The following KCNQ5 variants were observed in gnomAD, a reference collection of about 807,000 sequenced individuals.
KCNQ5 encodes potassium voltage-gated channel subfamily KQT member 5.
A neutral mutation model predicts 98.2 loss-of-function variants in KCNQ5; 30 were observed. The observed-to-expected ratio is 0.31, with a 90% CI of 0.23 to 0.41. The LOEUF is 0.41. KCNQ5 is among the 10% of genes least tolerant of loss of function. The probability of loss-of-function intolerance (pLI) is 1.00; values close to 1 mark genes in which losing one functional copy is unlikely to be tolerated. For synonymous variants in KCNQ5, 458 were observed against 449.4 expected, an observed-to-expected ratio of 1.02 and a Z score of -0.24; for missense variants, 835 against 1,182.5, an observed-to-expected ratio of 0.71 and a Z score of 4.31.
At chr6:73,055,651 C>T in intron 3 of KCNQ5, 1 of 1,148,582 alleles carries the variant, frequency 8.7e-7, no homozygotes, top group Non-Finnish European at 1.3e-6. Context: ...CCCATGGCAA[C>T]AGCCTCTGGG....
chr6:73,112,952 T>C (rs146585447), intron 7 of KCNQ5, among the ~76,000 whole-genome samples: 1,673 of 96,370 alleles, frequency 0.017, 17 homozygotes, highest in Middle Eastern at 0.043. Flanking sequence ...TTTTTTACAT[T>C]ATTTTTTACA....
chr6:72,732,850 C>T (rs960044633), intron 1 of KCNQ5, among the ~76,000 whole-genome samples: 6 of 151,806 alleles, frequency 4.0e-5, no homozygotes, highest in African/African-American at 7.3e-5. Flanking sequence ...GTCCTTAAGG[C>T]GGGAGAAGGG....
intron 10 of KCNQ5, among the ~76,000 whole-genome samples, chr6:73,163,355 C>T (rs1044329327): frequency 6.6e-6 from 1 of 152,168 alleles, no homozygotes; most frequent in Non-Finnish European, 1.5e-5. Context: ...ATGATCACAC[C>T]ACTGCACTCT....
At chr6:73,055,324 G>T (rs929173029) in intron 3 of KCNQ5, 108 of 1,415,268 alleles carry the variant, frequency 7.6e-5, no homozygotes, top group Non-Finnish European at 9.4e-5. Context: ...AGATGTAGCT[G>T]CCAATAGTGA....
chr6:72,852,640 A>AAAATATATATATATATATAT (rs1777311943), intron 1 of KCNQ5, among the ~76,000 whole-genome samples: 1 of 56,802 alleles, frequency 1.8e-5, no homozygotes, highest in Non-Finnish European at 3.3e-5. Flanking sequence ...ATGAAGGGGA[A>AAAATATATATATATATATAT]ATATATATAT....
intron 7 of KCNQ5, among the ~76,000 whole-genome samples, chr6:73,119,240 A>G (rs1373840939): frequency 6.6e-6 from 1 of 152,200 alleles, no homozygotes; most frequent in African/African-American, 2.4e-5. Flanking sequence ...AGCTTTTCCA[A>G]TAACAGTCTT....
chr6:73,194,365 C>A, intron 13 of KCNQ5, 87 bp from the exon 14 acceptor site: 2 of 1,215,494 alleles, frequency 1.6e-6, no homozygotes, highest in Non-Finnish European at 2.3e-6. Context: ...TGTTGGCACA[C>A]CTTGACTTCA....
intron 1 of KCNQ5, among the ~76,000 whole-genome samples, chr6:72,908,376 T>C (rs975333569): frequency 2.0e-5 from 3 of 152,112 alleles, no homozygotes; most frequent in Admixed American, 2.0e-4. Context: ...ACAAAAAAAG[T>C]AATTATGCGA....
chr6:73,194,121 C>G (rs780925525), intron 13 of KCNQ5, among the ~76,000 whole-genome samples: 8 of 152,166 alleles, frequency 5.3e-5, no homozygotes, highest in Non-Finnish European at 1.0e-4. Context: ...CAGGCATGAG[C>G]CACTGCACCC....
At chr6:73,073,675 T>A (rs958319972) in intron 3 of KCNQ5, among the ~76,000 whole-genome samples, 2 of 152,346 alleles carry the variant, frequency 1.3e-5, no homozygotes, top group South Asian at 4.1e-4. Flanking sequence ...TCTAATATAA[T>A]TCTTGACAGT....
At chr6:72,804,814 C>T (rs1342520817) in intron 1 of KCNQ5, among the ~76,000 whole-genome samples, 2 of 152,140 alleles carry the variant, frequency 1.3e-5, no homozygotes, top group African/African-American at 4.8e-5. Context: ...ATTCCACATT[C>T]TCACCAGCAT....
intron 1 of KCNQ5, among the ~76,000 whole-genome samples, chr6:72,911,093 C>A (rs1057341793): frequency 2.0e-5 from 3 of 152,136 alleles, no homozygotes; most frequent in Non-Finnish European, 2.9e-5. Flanking sequence ...CCGATGAAGG[C>A]TTTACAGCAA....
At chr6:73,189,935 G>C (rs959492861) in intron 11 of KCNQ5, among the ~76,000 whole-genome samples, 1 of 151,736 alleles carries the variant, frequency 6.6e-6, no homozygotes, top group African/African-American at 2.4e-5. Context: ...GGGAGGCTGA[G>C]GCAGGAGGAT....
At chr6:72,823,582 A>G (rs548119123) in intron 1 of KCNQ5, among the ~76,000 whole-genome samples, 6 of 152,282 alleles carry the variant, frequency 3.9e-5, no homozygotes, top group African/African-American at 1.4e-4. Flanking sequence ...CTATAAGCCA[A>G]TAGCAGCTGC....
At chr6:72,749,731 A>T (rs77861896) in intron 1 of KCNQ5, among the ~76,000 whole-genome samples, 5 of 151,828 alleles carry the variant, frequency 3.3e-5, no homozygotes, top group Admixed American at 1.3e-4. Context: ...CATTTAAAAA[A>T]ATATATTTTT....
At chr6:72,979,320 A>T (rs1042713403) in intron 1 of KCNQ5, among the ~76,000 whole-genome samples, 2 of 152,206 alleles carry the variant, frequency 1.3e-5, no homozygotes, top group African/African-American at 4.8e-5. Flanking sequence ...ATTTCTCCAC[A>T]TCCTCTCCAG....
At chr6:73,150,157 G>A (rs1249800592) in intron 10 of KCNQ5, among the ~76,000 whole-genome samples, 2 of 152,022 alleles carry the variant, frequency 1.3e-5, no homozygotes, top group Admixed American at 6.5e-5. Flanking sequence ...AACTACAGGA[G>A]ATATCACTAC....
intron 1 of KCNQ5, among the ~76,000 whole-genome samples, chr6:73,002,630 G>T (rs929263046): frequency 2.0e-5 from 3 of 152,112 alleles, no homozygotes; most frequent in African/African-American, 4.8e-5. Flanking sequence ...AATAAATGTG[G>T]TGGGGTCATC....
At position 73,194,530 on chromosome 6, in the gene KCNQ5, C is replaced by G; in HGVS notation, c.1915C>G (p.Leu639Val). The G allele has an allele frequency of 6.2e-7, 1 of 1,614,206 alleles. No homozygotes were observed. The highest frequency in any genetic ancestry group is 8.5e-7 in the Non-Finnish European group (1 of 1,180,042). ...QVLRKGSASALALASFQIPPF... is the reference protein window; with the variant it reads ...QVLRKGSASAVALASFQIPPF... ...CCTTCGGAAAGGCTCTGCCTCAGCC[C>G]TCGCTTTGGCTTCATTCCAGATCCC... is the stretch of plus-strand genomic sequence containing the variant. Residue 639 changes from leucine (L) to valine (V), a missense_variant, in exon 14 of 14, where the codon CTC (leucine) becomes GTC (valine). This residue lies in a region of KCNQ5 where 416 missense variants were observed against 446.9 expected (regional missense o/e 0.93). Transcript: ENST00000370398.
Sources: gnomAD v4.1 joint callset for allele counts (sites outside exome capture counted in the v4.1 genomes callset) on GRCh38, gnomAD v4.1.1 for gene constraint, gnomAD v4.1.1 regional missense constraint, MANE v1.5 for transcripts, NCBI Gene and HGNC (gene_info 2026-07-23, HGNC 2026-07-21) for gene names.